SHC3: variants seen among roughly 807,000 people sequenced by gnomAD.
SHC3 encodes SHC-transforming protein 3.
Under a neutral mutation model 60.4 loss-of-function variants are expected in SHC3, and 15 were observed. That is an observed-to-expected ratio of 0.25 (90% CI 0.17 to 0.38). The LOEUF (loss-of-function observed/expected upper bound fraction) is 0.38, where lower values mean the gene tolerates loss of function less well. Among genes scored for constraint, SHC3 ranks in the 10% least tolerant of loss-of-function variants. The pLI is 1.00. For missense variants in SHC3, 677 were observed against 786.1 expected, an observed-to-expected ratio of 0.86 and a Z score of 1.66; for synonymous variants, 294 against 325.9, an observed-to-expected ratio of 0.90 and a Z score of 1.05.
chr9:89,074,744 C>T (rs1188455164), intron 4 of SHC3, among the ~76,000 whole-genome samples: 1 of 144,534 alleles, frequency 6.9e-6, no homozygotes, highest in African/African-American at 2.5e-5. Context: ...ACATGCCGTC[C>T]ACTTCAAAGG....
At chr9:89,088,329 A>C (rs1825565571) in intron 2 of SHC3, among the ~76,000 whole-genome samples, 1 of 152,208 alleles carries the variant, frequency 6.6e-6, no homozygotes, top group Admixed American at 6.5e-5. Context: ...GGACTGAACC[A>C]ATGTACACCT....
At chr9:89,115,982 A>G in intron 1 of SHC3, among the ~76,000 whole-genome samples, 1 of 151,970 alleles carries the variant, frequency 6.6e-6, no homozygotes, top group Admixed American at 6.6e-5. Flanking sequence ...ACCACCACCA[A>G]TGTCACAGTG....
intron 10 of SHC3, among the ~76,000 whole-genome samples, chr9:89,040,895 A>T (rs1403256089): frequency 6.6e-6 from 1 of 152,228 alleles, no homozygotes; most frequent in Non-Finnish European, 1.5e-5. Flanking sequence ...CTAATTATAA[A>T]GGCACTTAAC....
At chr9:89,140,439 G>A (rs1443361918) in intron 1 of SHC3, among the ~76,000 whole-genome samples, 1 of 152,074 alleles carries the variant, frequency 6.6e-6, no homozygotes, top group Non-Finnish European at 1.5e-5. Context: ...TGGCGGTGGT[G>A]GTGGGTGGGG....
chr9:89,131,790 A>G (rs1587744377), intron 1 of SHC3, among the ~76,000 whole-genome samples: 1 of 152,236 alleles, frequency 6.6e-6, no homozygotes, highest in South Asian at 2.1e-4. Flanking sequence ...TGACAAGCCC[A>G]CAGCCAATAT....
chr9:89,018,739 G>A (rs1169600223), intron 11 of SHC3, among the ~76,000 whole-genome samples: 3 of 146,482 alleles, frequency 2.0e-5, no homozygotes, highest in Non-Finnish European at 3.0e-5. Flanking sequence ...TAAAGTAGGA[G>A]AGGAAATTCC....
At position 89,141,820 on chromosome 9, in the gene SHC3, TAA is replaced by T. The variant is rs1826397968; in HGVS notation, c.475-29196_475-29195del. On this transcript the variant is annotated intron_variant, in intron 1 of 11. Transcript: ENST00000375835. ...AGGGCAAGATGATCACCCTGAATAA[TAA>T]AAAATATAGGAAAGGAAAAAGAGAG... 6.6e-5 allele frequency among the ~76,000 whole-genome samples: 10 copies of T among 150,592 alleles called. No individual in the cohort carries two copies. In the South Asian group the frequency reaches 2.1e-3, roughly 32 times the overall value.
chr9:89,075,213 G>T lies in SHC3; in HGVS notation c.625C>A (p.Leu209Met), dbSNP rs1193941396. Reference protein sequence around the residue: ...FKKRKPPSKMLSSILGKSNLQ... With the variant: ...FKKRKPPSKMMSSILGKSNLQ... ...TTGCTCTTTCCCAAGATGCTGGACAGCATTTTGCTTGGAGGCTGTGAAATT... is the reference window on the plus strand; with the variant it reads ...TTGCTCTTTCCCAAGATGCTGGACATCATTTTGCTTGGAGGCTGTGAAATT... The change falls in exon 4 of 12, where the codon CTG (leucine) becomes ATG (methionine). Residue 209 changes from leucine (L) to methionine (M), a missense_variant. Physicochemically the swap from Leu to Met is conservative, Grantham distance 15. Transcript: ENST00000375835. The T allele has an allele frequency of 6.2e-7, 1 of 1,613,648 alleles. No homozygotes were observed. The highest frequency in any genetic ancestry group is 1.3e-5 in the African/African-American group (1 of 74,896).
chr9:89,081,861 C>G (rs142001734), intron 2 of SHC3, among the ~76,000 whole-genome samples: 1 of 152,152 alleles, frequency 6.6e-6, no homozygotes, highest in African/African-American at 2.4e-5. Context: ...CAGGTGGCCA[C>G]GGAAGAAAGT....
intron 1 of SHC3, among the ~76,000 whole-genome samples, chr9:89,149,744 C>A (rs1434596979): frequency 6.6e-6 from 1 of 152,204 alleles, no homozygotes; most frequent in Non-Finnish European, 1.5e-5. Context: ...GTAGATCCCC[C>A]TTATTTGTAG....
At chr9:89,028,385 G>A (rs1370231836) in intron 11 of SHC3, among the ~76,000 whole-genome samples, 1 of 151,708 alleles carries the variant, frequency 6.6e-6, no homozygotes, top group African/African-American at 2.4e-5. Context: ...GTACCATGAA[G>A]AGAAAGATCA....
At chr9:89,078,853 T>C (rs987816311) in intron 2 of SHC3, among the ~76,000 whole-genome samples, 3 of 152,122 alleles carry the variant, frequency 2.0e-5, no homozygotes, top group African/African-American at 7.2e-5. Flanking sequence ...AACAGGGACT[T>C]GGAGACACGG....
At chr9:89,083,507 A>C (rs2118033035) in intron 2 of SHC3, among the ~76,000 whole-genome samples, 1 of 152,330 alleles carries the variant, frequency 6.6e-6, no homozygotes, top group East Asian at 1.9e-4. Context: ...GCAGGAAGCA[A>C]CCAACGCCTT....
In SHC3 at chr9:89,007,454, A is replaced by G. The variant is rs1157617449; in HGVS notation, c.*5993T>C. ...GGTTATAAACTCAGGCAGAGGCCTC[A>G]TACATTCACTTCTCTATCCCACCAT... On this transcript the variant is annotated 3_prime_UTR_variant, in exon 12 of 12. Coordinates refer to ENST00000375835, the MANE Select transcript of SHC3 (RefSeq NM_016848.6). 6.6e-6 allele frequency: 1 copy of G among 152,290 alleles called. No individual in the cohort carries two copies. Among genetic ancestry groups the G allele is most frequent in the African/African-American group, 2.4e-5 (1 of 41,470 alleles). The allele number at this position is 152,290 out of a possible 1,614,324, so 9.4% of individuals were successfully genotyped here. A position where few individuals can be genotyped will look rare whatever the true frequency, so the allele number is the denominator to read the frequency against.
intron 5 of SHC3, among the ~76,000 whole-genome samples, chr9:89,066,271 C>T (rs1369653898): frequency 6.6e-6 from 1 of 152,178 alleles, no homozygotes; most frequent in Non-Finnish European, 1.5e-5. Context: ...ACTTTGAGAA[C>T]CACTAGGCTA....
chr9:89,085,622 A>G (rs2118038352), intron 2 of SHC3, among the ~76,000 whole-genome samples: 1 of 152,312 alleles, frequency 6.6e-6, no homozygotes, highest in Non-Finnish European at 1.5e-5. Flanking sequence ...CCACACAGAC[A>G]TTTTCTCCAT....
At chr9:89,046,355 T>C (rs1824775650) in intron 8 of SHC3, among the ~76,000 whole-genome samples, 2 of 152,028 alleles carry the variant, frequency 1.3e-5, no homozygotes, top group Non-Finnish European at 2.9e-5. Context: ...CGTTAAAAAA[T>C]TTCCTATAAC....
rs187112750 is a variant in SHC3 at position 89,092,864 on chromosome 9, G to T, written c.546-14961C>A. 1.1e-4 allele frequency among the ~76,000 whole-genome samples: 17 copies of T among 151,964 alleles called. No individual in the cohort carries two copies. The East Asian group carries it at 3.1e-3, about 28-fold the overall frequency. On this transcript the variant is annotated intron_variant, in intron 2 of 11. Transcript: ENST00000375835. Reference sequence around the variant, plus strand: ...TATCTTGTTTGACTCATTATGAAAAGCATCTATTGTTTTAATTTAAAAAAA... The same window carrying T: ...TATCTTGTTTGACTCATTATGAAAATCATCTATTGTTTTAATTTAAAAAAA...
chr9:89,098,808 C>CAA (rs35983816), intron 2 of SHC3, among the ~76,000 whole-genome samples: 5 of 130,650 alleles, frequency 3.8e-5, no homozygotes, highest in Non-Finnish European at 6.5e-5. Flanking sequence ...GACCCCATCT[C>CAA]AAAAAAAAAA....
Sources: allele counts gnomAD v4.1 joint callset (sites outside exome capture counted in the v4.1 genomes callset), GRCh38; gene constraint gnomAD v4.1.1; transcripts MANE v1.5; gene names NCBI Gene and HGNC (gene_info 2026-07-23, HGNC 2026-07-21).